Variants in RGS18 observed in about 807,000 individuals in gnomAD.
The protein encoded by RGS18 is regulator of G-protein signaling 18.
RGS18 carries 22 observed loss-of-function variants against 27.6 expected under a neutral mutation model. The observed-to-expected ratio is 0.80, with a 90% confidence interval of 0.57 to 1.14. The LOEUF (loss-of-function observed/expected upper bound fraction) is 1.14. RGS18 is among the 50% of genes most tolerant of loss of function. RGS18 has a pLI of 0.00. For missense variants in RGS18, 299 were observed against 269.6 expected (o/e 1.11, Z -0.76); for synonymous variants, 89 against 84.6 (o/e 1.05, Z -0.29).
At position 192,181,602 on chromosome 1, in the gene RGS18, A is replaced by G. The variant is rs935655340; in HGVS notation, c.450+144A>G. 21 of 541,156 alleles carry G rather than the reference A, an allele frequency of 3.9e-5. No homozygotes were observed. The Admixed American group carries it at 6.5e-4, about 17-fold the overall frequency. 33.5% of individuals were successfully genotyped at this position (541,156 alleles called of 1,614,324 possible). The stretch of plus-strand genomic sequence containing the variant: ...CATGTAATAATTACACATGTTAATG[A>G]CATACAGTGTGATGTTTTAATATAT... On this transcript the variant is annotated intron_variant, in intron 4 of 4. Transcript: ENST00000367460.
At chr1:192,171,128 T>C (rs991193843) in intron 3 of RGS18, among the ~76,000 whole-genome samples, 1 of 152,126 alleles carries the variant, frequency 6.6e-6, no homozygotes, top group Admixed American at 6.6e-5. Flanking sequence ...TTTGTAGGTA[T>C]TTGGAGGAAA....
chr1:192,181,374 C>T lies in RGS18; in HGVS notation c.366C>T (p.Phe122=). ...AATTTTGGATAGCCTGTGAAGATTTCAAGAAAAGCAAGGGACCTCAACAAA... is the reference window on the plus strand; with the variant it reads ...AATTTTGGATAGCCTGTGAAGATTTTAAGAAAAGCAAGGGACCTCAACAAA... ...NIEFWIACED[F]KKSKGPQQIH... is the part of the protein sequence containing the mutation. Residue 122 remains phenylalanine (F), a synonymous_variant, in exon 4 of 5, where the codon TTC becomes TTT. Transcript: ENST00000367460. 6.3e-7 allele frequency: 1 copy of T among 1,591,958 alleles called. No individual in the cohort carries two copies. Among genetic ancestry groups the T allele is most frequent in the African/African-American group, 1.4e-5 (1 of 73,772 alleles).
At chr1:192,159,115 T>C (rs1159425750) in intron 1 of RGS18, 105 bp from the exon 2 acceptor site, 4 of 693,704 alleles carry the variant, frequency 5.8e-6, no homozygotes, top group Non-Finnish European at 1.0e-5. Context: ...TGTGTGGGTA[T>C]GGGTGGGCGT....
rs180839184 is a variant in RGS18, at chr1:192,160,529, A to G, written c.283+90A>G. On this transcript the variant is annotated intron_variant, in intron 3 of 4. Transcript: ENST00000367460. ...ATTATCCGAAACAATAGGTCACAAA[A>G]TTTTTGTCTGATTGTTAATTTTCAG... 3.0e-4 allele frequency: 261 copies of G among 880,894 alleles called. 1 individual carries two copies. In the Admixed American group the frequency reaches 5.1e-3, roughly 17 times the overall value. The allele number at this position is 880,894 out of a possible 1,614,324, so 54.6% of individuals were successfully genotyped here.
intron 4 of RGS18, 148 bp from the exon 5 acceptor site, chr1:192,184,149 G>C (rs1656502800): frequency 1.6e-6 from 1 of 644,358 alleles, no homozygotes; most frequent in East Asian, 2.8e-5. Flanking sequence ...AATTAAACAT[G>C]AGGTTTGGGC....
chr1:192,163,419 G>A (rs931070903), intron 3 of RGS18: 1 of 152,024 alleles, frequency 6.6e-6, no homozygotes, highest in African/African-American at 2.4e-5. Context: ...AGCATAGAAA[G>A]ATTTAGCAGG....
At chr1:192,182,786 T>G (rs923960733) in intron 4 of RGS18, among the ~76,000 whole-genome samples, 4 of 151,582 alleles carry the variant, frequency 2.6e-5, no homozygotes, top group African/African-American at 9.7e-5. Flanking sequence ...TCATAGAAAC[T>G]AAAGATTTTT....
At chr1:192,176,624 C>T (rs1457625770) in intron 3 of RGS18, among the ~76,000 whole-genome samples, 2 of 151,584 alleles carry the variant, frequency 1.3e-5, no homozygotes, top group African/African-American at 2.4e-5. Context: ...TAAGGTAGTG[C>T]TCTATAGATT....
At chr1:192,166,698 AT>A (rs1235512735) in intron 3 of RGS18, among the ~76,000 whole-genome samples, 2 of 152,174 alleles carry the variant, frequency 1.3e-5, no homozygotes, top group Non-Finnish European at 2.9e-5. Context: ...TCTAGATTTC[AT>A]TTTTATTATA....
intron 3 of RGS18, among the ~76,000 whole-genome samples, chr1:192,172,761 A>T (rs1656283682): frequency 6.6e-6 from 1 of 151,156 alleles, no homozygotes; most frequent in Non-Finnish European, 1.5e-5. Context: ...AACTATATTT[A>T]GTTCCTTTTT....
chr1:192,168,124 AAGGACTGTTT>A (rs1656192639), intron 3 of RGS18: 1 of 152,184 alleles, frequency 6.6e-6, no homozygotes, highest in Non-Finnish European at 1.5e-5. Context: ...CTGCCTTCTA[AAGGACTGTTT>A]AGTAAGTTAC....
At chr1:192,168,881 C>T (rs771975614) in intron 3 of RGS18, 4 of 152,198 alleles carry the variant, frequency 2.6e-5, no homozygotes, top group South Asian at 2.1e-4. Context: ...ACTCTTTGAA[C>T]GTCAACTTCT....
intron 3 of RGS18, among the ~76,000 whole-genome samples, chr1:192,179,937 T>G (rs1656422714): frequency 6.6e-6 from 1 of 151,640 alleles, no homozygotes; most frequent in African/African-American, 2.4e-5. Context: ...TTCCAAGTTG[T>G]TACACTGGCG....
At position 192,158,790 on chromosome 1, in the gene RGS18, T is replaced by A. The variant is rs1263175265; in HGVS notation, c.119+34T>A. 6 of 1,376,904 alleles carry A rather than the reference T, an allele frequency of 4.4e-6. No individual in the cohort carries two copies. The South Asian group carries it at 8.2e-5, about 19-fold the overall frequency. 85.3% of individuals were successfully genotyped at this position (1,376,904 alleles called of 1,614,324 possible). A position where few individuals can be genotyped will look rare whatever the true frequency, so the allele number is the denominator to read the frequency against. On this transcript the variant is annotated intron_variant, in intron 1 of 4. Coordinates refer to ENST00000367460, the MANE Select transcript of RGS18 (RefSeq NM_130782.3). Reference sequence around the variant, plus strand: ...GTACAATTTTAAGTCAGCCTTATACTTTTAAAAGCATAATTGAGGTTGAAG... The same window carrying A: ...GTACAATTTTAAGTCAGCCTTATACATTTAAAAGCATAATTGAGGTTGAAG...
At chr1:192,183,467 A>T (rs1210655912) in intron 4 of RGS18, among the ~76,000 whole-genome samples, 1 of 151,634 alleles carries the variant, frequency 6.6e-6, no homozygotes, top group Non-Finnish European at 1.5e-5. Flanking sequence ...ACCTATTTTG[A>T]AAATGAGTTA....
At chr1:192,176,752 TG>T (rs1656365419) in intron 3 of RGS18, among the ~76,000 whole-genome samples, 1 of 151,642 alleles carries the variant, frequency 6.6e-6, no homozygotes, top group African/African-American at 2.4e-5. Context: ...AGTTATTCAG[TG>T]GGGAGTTCAG....
chr1:192,181,482 A>C (rs746107303), intron 4 of RGS18, 24 bp downstream of exon 4: 2 of 1,457,342 alleles, frequency 1.4e-6, no homozygotes, highest in Non-Finnish European at 1.8e-6. Flanking sequence ...AACTGTAAAA[A>C]TGCATAATTG....
rs1656516768 is a variant in RGS18, at chr1:192,184,741, A to G, written c.*187A>G. On this transcript the variant is annotated 3_prime_UTR_variant, in exon 5 of 5. Coordinates refer to ENST00000367460, the MANE Select transcript of RGS18 (RefSeq NM_130782.3). ...AGTATCTGCCAGTATATTCTGTAAA[A>G]CCTTCTATTTGATGTCATTCCATTT... is the stretch of plus-strand genomic sequence containing the variant. 1.8e-6 allele frequency: 1 copy of G among 543,036 alleles called. No homozygotes were observed. The allele number at this position is 543,036 out of a possible 1,614,324, so 33.6% of individuals were successfully genotyped here.
Position 192,184,553 on chromosome 1 carries a change from A to G in RGS18, c.707A>G (p.Ter236=). 6.2e-7 allele frequency: 1 copy of G among 1,609,288 alleles called. No individual in the cohort carries two copies. Among genetic ancestry groups the G allele is most frequent in the South Asian group, 1.1e-5 (1 of 90,856 alleles). The change falls in exon 5 of 5, where the codon TAA becomes TGA. Residue 236 remains the stop codon, a stop_retained_variant. Transcript: ENST00000367460. ...DVQSDVAIWL[*] ...CAATCAGATGTTGCCATTTGGTTAT[A>G]AAGAAAATTGATTTTGCTCATTTTT...
Sources: allele counts gnomAD v4.1 joint callset (sites outside exome capture counted in the v4.1 genomes callset), GRCh38; gene constraint gnomAD v4.1.1; transcripts MANE v1.5; gene names NCBI Gene and HGNC (gene_info 2026-07-23, HGNC 2026-07-21).